PTDSS2: variants seen among roughly 807,000 people sequenced by gnomAD.
PTDSS2 encodes PSS-2.
In PTDSS2, 41 loss-of-function variants were observed where a neutral mutation model predicts 64.7. The observed-to-expected ratio is 0.63, with a 90% CI of 0.49 to 0.82. The LOEUF is 0.82. PTDSS2 is among the 40% of genes least tolerant of loss of function. The pLI, the probability that PTDSS2 is intolerant of heterozygous loss-of-function variation, is 0.00. For missense variants in PTDSS2, 485 were observed against 650.0 expected (o/e 0.75, Z 2.76); for synonymous variants, 297 against 277.8 (o/e 1.07, Z -0.69).
intron 3 of PTDSS2, among the ~76,000 whole-genome samples, chr11:477,578 TGGG>T (rs1426388104): frequency 6.6e-6 from 1 of 152,154 alleles, no homozygotes; most frequent in Admixed American, 6.5e-5. Context: ...TCTGGGGAGC[TGGG>T]GCCTTCCCCA....
chr11:450,514 CG>C lies in PTDSS2; in HGVS notation c.62del (p.Gly21AlafsTer46), dbSNP rs1459488103. 3.2e-6 allele frequency: 4 copies of C among 1,239,454 alleles called. No homozygotes were observed. The African/African-American group carries it at 6.2e-5, about 19-fold the overall frequency. 76.8% of individuals were successfully genotyped at this position (1,239,454 alleles called of 1,614,324 possible). A position where few individuals can be genotyped will look rare whatever the true frequency, so the allele number is the denominator to read the frequency against. ...GGPRPESPVP[A>X]GRASLEEPPD... ...CCGCGGCCCGAGTCCCCGGTGCCCG[CG>C]GGCAGGGCCTCGCTGGAGGAGCCGC... On this transcript the variant is annotated frameshift_variant, in exon 1 of 12. Coordinates refer to ENST00000308020, the MANE Select transcript of PTDSS2 (RefSeq NM_030783.3). LOFTEE classifies it high-confidence loss of function.
chr11:487,833 T>G (rs1848464658), intron 6 of PTDSS2, among the ~76,000 whole-genome samples: 2 of 152,170 alleles, frequency 1.3e-5, no homozygotes, highest in African/African-American at 4.8e-5. Flanking sequence ...CAGAGTTTGG[T>G]GTCAGGCCCC....
At chr11:456,124 A>G (rs866080955) in intron 1 of PTDSS2, among the ~76,000 whole-genome samples, 39 of 148,198 alleles carry the variant, frequency 2.6e-4, no homozygotes, top group Non-Finnish European at 1.2e-4. Context: ...TGCGATCTAA[A>G]CCTGCTTGTT....
rs760382052 is a variant in PTDSS2, at chr11:490,558, C to T, written c.1440C>T (p.Gly480=). The T allele has an allele frequency of 3.3e-5, 53 of 1,604,536 alleles. No homozygotes were observed. The highest frequency in any genetic ancestry group is 3.2e-4 in the South Asian group (29 of 89,976). The stretch of plus-strand genomic sequence containing the variant: ...TGCTGGGGCCTGGGGTGGCCGAGGG[C>T]GAGGGAGCACCAACTCCAAACTGAC... ...EDLLGPGVAE[G]EGAPTPN Residue 480 remains glycine, a synonymous_variant, in exon 12 of 12, where the codon GGC becomes GGT. Transcript: ENST00000308020.
chr11:490,651 C>T lies in PTDSS2; in HGVS notation c.*69C>T. On this transcript the variant is annotated 3_prime_UTR_variant, in exon 12 of 12. Transcript: ENST00000308020. ...CCGTGGCCTCCTCCTGTGTGAGTCC[C>T]ACCAGGAGCCACGTGCCCGGCCTTG... 1 of 1,441,246 alleles carries T rather than the reference C, an allele frequency of 6.9e-7. No homozygotes were observed. Among genetic ancestry groups the T allele is most frequent in the Non-Finnish European group, 9.3e-7 (1 of 1,073,792 alleles). The allele number at this position is 1,441,246 out of a possible 1,614,324, so 89.3% of individuals were successfully genotyped here.
intron 1 of PTDSS2, among the ~76,000 whole-genome samples, chr11:454,120 GA>G (rs1430296572): frequency 6.6e-6 from 1 of 151,956 alleles, no homozygotes; most frequent in East Asian, 1.9e-4. Flanking sequence ...GTAGGACAAG[GA>G]CTGGAGCTCA....
At position 487,242 on chromosome 11, in the gene PTDSS2, G is replaced by A. The variant is rs533724871; in HGVS notation, c.570+169G>A. 5.0e-4 allele frequency: 468 copies of A among 944,782 alleles called. 2 individuals are homozygous for A. The highest frequency in any genetic ancestry group is 6.0e-4 in the Non-Finnish European group (369 of 616,328). The allele number at this position is 944,782 out of a possible 1,614,324, so 58.5% of individuals were successfully genotyped here. A position where few individuals can be genotyped will look rare whatever the true frequency, so the allele number is the denominator to read the frequency against. Reference sequence around the variant, plus strand: ...TGGATGGTGCTCATGGTGGGCAGGGGGCCCCTGCTCTCTAGGCTGTCGTGG... The same window carrying A: ...TGGATGGTGCTCATGGTGGGCAGGGAGCCCCTGCTCTCTAGGCTGTCGTGG... On this transcript the variant is annotated intron_variant, in intron 5 of 11. Transcript: ENST00000308020.
intron 1 of PTDSS2, among the ~76,000 whole-genome samples, chr11:454,976 T>A (rs1479960594): frequency 6.6e-6 from 1 of 151,138 alleles, no homozygotes; most frequent in Admixed American, 6.6e-5. Context: ...GCTGACTGGG[T>A]TGCAGGCACG....
rs976411011 is a variant in PTDSS2 at position 470,419 on chromosome 11, G to A, written c.285-3476G>A. On this transcript the variant is annotated intron_variant, in intron 2 of 11. Transcript: ENST00000308020. The surrounding 1 kb of genome is among the most constrained non-coding windows in gnomAD (Gnocchi z 5.3). ...AGAGACAAGGAGAGTCTGAGAAACCGTCCCAGCCTCGGGGAGCCTGAAGAG... is the reference window on the plus strand; with the variant it reads ...AGAGACAAGGAGAGTCTGAGAAACCATCCCAGCCTCGGGGAGCCTGAAGAG... 2.0e-5 allele frequency among the ~76,000 whole-genome samples: 3 copies of A among 152,118 alleles called. No individual in the cohort carries two copies. The highest frequency in any genetic ancestry group is 4.4e-5 in the Non-Finnish European group (3 of 68,024).
In PTDSS2 at chr11:476,378, T is replaced by C. The variant is rs1847804708; in HGVS notation, c.367+2401T>C. On this transcript the variant is annotated intron_variant, in intron 3 of 11. Transcript: ENST00000308020. This position sits in a 1 kb window ranked among gnomAD's most constrained non-coding sequence, Gnocchi z 4.9. ...CACAGTGAAAGGCCTGGCGCGGTGA[T>C]GGTGAGAAACTTCCCGGCACACAGT... Among the ~76,000 whole-genome samples, 1 of 152,086 alleles carries C rather than the reference T, an allele frequency of 6.6e-6. No homozygotes were observed. Among genetic ancestry groups the C allele is most frequent in the Non-Finnish European group, 1.5e-5 (1 of 68,010 alleles).
chr11:454,947 T>C (rs1395855406), intron 1 of PTDSS2, among the ~76,000 whole-genome samples: 1 of 151,342 alleles, frequency 6.6e-6, no homozygotes, highest in African/African-American at 2.4e-5. Context: ...AATGGGAGCC[T>C]GTGCTGTATC....
At position 456,170 on chromosome 11, in the gene PTDSS2, C is replaced by CTTT. The variant is rs71022912; in HGVS notation, c.183-3999_183-3997dup. ...TTCTTTCTTTCTGTTTTCTTTCATT[C>CTTT]TTTTTTTTTTTTTTTTTTTTGAGAC... On this transcript the variant is annotated intron_variant, in intron 1 of 11. Transcript: ENST00000308020. 1.8e-3 allele frequency among the ~76,000 whole-genome samples: 210 copies of CTTT among 114,870 alleles called. 7 individuals carry two copies. Among genetic ancestry groups the CTTT allele is most frequent in the African/African-American group, 3.0e-3 (87 of 29,488 alleles). The allele number at this position is 114,870 out of a possible 152,430, so 75.4% of individuals were successfully genotyped here. A position where few individuals can be genotyped will look rare whatever the true frequency, so the allele number is the denominator to read the frequency against.
At chr11:449,343 C>T (rs1456207052), upstream of PTDSS2, among the ~76,000 whole-genome samples, 9 of 152,260 alleles carry the variant, frequency 5.9e-5, no homozygotes, top group Non-Finnish European at 8.8e-5. Context: ...GCTGGGATGA[C>T]AGGCGTGCGC....
At chr11:452,467 G>A (rs910558087) in intron 1 of PTDSS2, among the ~76,000 whole-genome samples, 1 of 152,256 alleles carries the variant, frequency 6.6e-6, no homozygotes, top group African/African-American at 2.4e-5. Flanking sequence ...TAGAAGCCCA[G>A]ACCAGTGGTC....
chr11:460,164 G>T lies in PTDSS2; in HGVS notation c.183-23G>T. On this transcript the variant is annotated intron_variant, in intron 1 of 11. Coordinates refer to ENST00000308020, the MANE Select transcript of PTDSS2 (RefSeq NM_030783.3). The surrounding 1 kb of genome is among the most constrained non-coding windows in gnomAD (Gnocchi z 5.8). ...AATGCTGCCCAAGCTCTGACACCAT[G>T]CTTATGCGTTTTTGGATTTCAGGCG... is the stretch of plus-strand genomic sequence containing the variant. 1.3e-6 allele frequency: 2 copies of T among 1,597,198 alleles called. No individual in the cohort carries two copies. The highest frequency in any genetic ancestry group is 1.7e-6 in the Non-Finnish European group (2 of 1,164,750).
At chr11:451,873 G>A (rs12099377) in intron 1 of PTDSS2, among the ~76,000 whole-genome samples, 1 of 152,208 alleles carries the variant, frequency 6.6e-6, no homozygotes, top group East Asian at 1.9e-4. Flanking sequence ...GGGCATCCGA[G>A]CTCTCCTTTG....
At chr11:485,535 CGA>C (rs1316225907) in intron 4 of PTDSS2, among the ~76,000 whole-genome samples, 1 of 129,814 alleles carries the variant, frequency 7.7e-6, no homozygotes, top group African/African-American at 3.0e-5. Flanking sequence ...TGTGCGCAGG[CGA>C]GTGTAAACAG....
chr11:472,112 G>A (rs1288486128), intron 2 of PTDSS2, among the ~76,000 whole-genome samples: 6 of 151,536 alleles, frequency 4.0e-5, no homozygotes, highest in Non-Finnish European at 7.4e-5. Flanking sequence ...GGGGTGACGC[G>A]GATGGCGGCC....
At chr11:469,853 G>A (rs1847338071) in intron 2 of PTDSS2, among the ~76,000 whole-genome samples, 1 of 152,044 alleles carries the variant, frequency 6.6e-6, no homozygotes. Flanking sequence ...AGAAAGTGAG[G>A]AGCTCTGTAA....
Sources: gnomAD v4.1 joint callset for allele counts (sites outside exome capture counted in the v4.1 genomes callset) on GRCh38, gnomAD v4.1.1 for gene constraint, Gnocchi (gnomAD v3.1) non-coding constraint, MANE v1.5 for transcripts, NCBI Gene and HGNC (gene_info 2026-07-23, HGNC 2026-07-21) for gene names.